TXNL4A: variants seen among roughly 807,000 people sequenced by gnomAD.
TXNL4A encodes the protein thioredoxin-like protein 4A.
Under a neutral mutation model 14.6 loss-of-function variants are expected in TXNL4A, and 17 were observed. The ratio of observed to expected loss-of-function variants is 1.16; its 90% confidence interval spans 0.80 to 1.74. TXNL4A has a LOEUF of 1.74. Ranked by LOEUF, TXNL4A falls within the 40% of genes most tolerant of loss-of-function variation. TXNL4A has a pLI of 0.00. For missense variants in TXNL4A, 74 were observed against 195.2 expected, an observed-to-expected ratio of 0.38 and a Z score of 3.70; for synonymous variants, 83 against 70.6, an observed-to-expected ratio of 1.18 and a Z score of -0.88.
At chr18:79,991,107 C>CAA (rs34442066), upstream of TXNL4A, among the ~76,000 whole-genome samples, 110 of 91,542 alleles carry the variant, frequency 1.2e-3, no homozygotes, top group South Asian at 3.9e-3. Context: ...GACTCCGTCT[C>CAA]AAAAAAAAAA....
At chr18:79,995,880 A>G (rs2051657374) in intron 1 of TXNL4A, among the ~76,000 whole-genome samples, 1 of 152,074 alleles carries the variant, frequency 6.6e-6, no homozygotes, top group Non-Finnish European at 1.5e-5. Context: ...AGGCGGGCAG[A>G]TCATGAGGTC....
chr18:80,009,388 G>C (rs1041009561), intron 1 of TXNL4A, among the ~76,000 whole-genome samples: 1 of 152,102 alleles, frequency 6.6e-6, no homozygotes. Context: ...GACTTCACAC[G>C]ATTCAGGTGG....
At chr18:80,005,007 TAA>T (rs1277435782) in intron 1 of TXNL4A, among the ~76,000 whole-genome samples, 1 of 152,204 alleles carries the variant, frequency 6.6e-6, no homozygotes, top group Non-Finnish European at 1.5e-5. Context: ...GCTGCAGTGA[TAA>T]AAGGGCTGGA....
upstream of TXNL4A, among the ~76,000 whole-genome samples, chr18:79,989,175 C>T (rs186313726): frequency 1.3e-5 from 2 of 152,170 alleles, no homozygotes; most frequent in Admixed American, 6.5e-5. Context: ...CGTGCAGTGA[C>T]GTGATCTTGG....
intron 1 of TXNL4A, chr18:80,030,510 T>C (rs896945410): frequency 6.6e-6 from 1 of 152,264 alleles, no homozygotes; most frequent in Non-Finnish European, 1.5e-5. Flanking sequence ...CTGCTTGATA[T>C]GCGGACTTAC....
At chr18:80,021,941 A>T (rs1003097377) in intron 1 of TXNL4A, among the ~76,000 whole-genome samples, 1 of 151,940 alleles carries the variant, frequency 6.6e-6, no homozygotes, top group Non-Finnish European at 1.5e-5. Flanking sequence ...GGGAGGACAA[A>T]GAGTTTGTTC....
At chr18:79,998,842 C>A (rs1468524164) in intron 1 of TXNL4A, among the ~76,000 whole-genome samples, 1 of 151,988 alleles carries the variant, frequency 6.6e-6, no homozygotes, top group Non-Finnish European at 1.5e-5. Context: ...TCTTGTCAGG[C>A]CCTTCTGACA....
chr18:79,978,520 A>G (rs1372603564), intron 1 of TXNL4A, among the ~76,000 whole-genome samples: 1 of 152,152 alleles, frequency 6.6e-6, no homozygotes, highest in African/African-American at 2.4e-5. Flanking sequence ...CAGAGACAGG[A>G]TCTGGTTCTG....
chr18:80,016,604 A>G (rs1599751555), intron 1 of TXNL4A, among the ~76,000 whole-genome samples: 6 of 152,198 alleles, frequency 3.9e-5, no homozygotes, highest in Admixed American at 3.9e-4. Flanking sequence ...TCCCAGCACC[A>G]TTTATTAAAT....
At chr18:80,032,965 T>TCCCCACGTTTC (rs2051933154) in intron 1 of TXNL4A, among the ~76,000 whole-genome samples, 1 of 151,972 alleles carries the variant, frequency 6.6e-6, no homozygotes, top group Non-Finnish European at 1.5e-5. Context: ...AAATGCAGAT[T>TCCCCACGTTTC]CCCCACGTTT....
rs1295356669 is a variant in TXNL4A at position 80,011,114 on chromosome 18, T to C, written c.-61+22737A>G. Among the ~76,000 whole-genome samples the C allele has an allele frequency of 1.3e-5, 2 of 152,078 alleles. No homozygotes were observed. Among genetic ancestry groups the C allele is most frequent in the Admixed American group, 1.3e-4 (2 of 15,262 alleles). Reference sequence around the variant, plus strand: ...TTACCATTTGGTGCTTGTTAGCCCCTCGGGAAAGGAAACAATTTGGGTTAT... The same window carrying C: ...TTACCATTTGGTGCTTGTTAGCCCCCCGGGAAAGGAAACAATTTGGGTTAT... On this transcript the variant is annotated intron_variant, in intron 1 of 2. Transcript: ENST00000585474. The surrounding 1 kb of genome is among the most constrained non-coding windows in gnomAD (Gnocchi z 4.1).
chr18:79,994,031 C>T (rs1347436212), intron 1 of TXNL4A, among the ~76,000 whole-genome samples: 1 of 152,130 alleles, frequency 6.6e-6, no homozygotes, highest in African/African-American at 2.4e-5. Context: ...TGGTTGAATC[C>T]GAAGGGGAAC....
At chr18:80,020,371 CCA>C (rs2051840568) in intron 1 of TXNL4A, among the ~76,000 whole-genome samples, 1 of 152,176 alleles carries the variant, frequency 6.6e-6, no homozygotes, top group South Asian at 2.1e-4. Context: ...TACCTGTTAG[CCA>C]CAGACTTCCT....
chr18:80,014,250 A>G (rs982755262), intron 1 of TXNL4A, among the ~76,000 whole-genome samples: 24 of 152,122 alleles, frequency 1.6e-4, no homozygotes, highest in African/African-American at 5.8e-4. Context: ...GTCTTAACTC[A>G]TTTCAGAATT....
At chr18:80,010,304 A>C (rs1418900948) in intron 1 of TXNL4A, among the ~76,000 whole-genome samples, 2 of 152,016 alleles carry the variant, frequency 1.3e-5, no homozygotes, top group Admixed American at 6.5e-5. Flanking sequence ...AAAGGTGCTT[A>C]GTCTGCAGGC....
intron 1 of TXNL4A, among the ~76,000 whole-genome samples, chr18:80,016,949 G>A (rs1470038927): frequency 6.6e-6 from 1 of 152,050 alleles, no homozygotes; most frequent in Admixed American, 6.6e-5. Context: ...TAATTACCTT[G>A]GGCAGTACGG....
At chr18:79,998,470 A>G (rs2051677379) in intron 1 of TXNL4A, among the ~76,000 whole-genome samples, 1 of 151,610 alleles carries the variant, frequency 6.6e-6, no homozygotes, top group South Asian at 2.1e-4. Context: ...CACCCAAACT[A>G]CAAACTGCCT....
In TXNL4A at chr18:79,973,572, C is replaced by A; in HGVS notation, c.*113G>T. ...TAAGACCATGTTATCAATTCCATCT[C>A]AGAGGTGCTCCAGCCCTGGAGCTTC... On this transcript the variant is annotated 3_prime_UTR_variant, in exon 3 of 3. Coordinates refer to ENST00000269601, the MANE Select transcript of TXNL4A (RefSeq NM_006701.5). 1 of 1,370,840 alleles carries A rather than the reference C, an allele frequency of 7.3e-7. No individual in the cohort carries two copies. Among genetic ancestry groups the A allele is most frequent in the African/African-American group, 1.5e-5 (1 of 68,678 alleles). The allele number at this position is 1,370,840 out of a possible 1,614,324, so 84.9% of individuals were successfully genotyped here.
chr18:79,988,090 CGACCGCAGCGAGGG>C, intron 1 of TXNL4A, 136 bp downstream of exon 1: 1 of 1,003,064 alleles, frequency 1.0e-6, no homozygotes, highest in East Asian at 3.1e-5. Flanking sequence ...CGAGAGCGCT[CGACCGCAGCGAGGG>C]GAGGAATCGC....
Sources: gnomAD v4.1 joint callset for allele counts (sites outside exome capture counted in the v4.1 genomes callset) on GRCh38, gnomAD v4.1.1 for gene constraint, Gnocchi (gnomAD v3.1) non-coding constraint, MANE v1.5 for transcripts, NCBI Gene and HGNC (gene_info 2026-07-23, HGNC 2026-07-21) for gene names.